The following SHISA9 variants were observed in gnomAD, a reference collection of about 807,000 sequenced individuals.
SHISA9 encodes the protein protein shisa-9.
SHISA9 carries 13 observed loss-of-function variants against 38.0 expected under a neutral mutation model. That is an observed-to-expected ratio of 0.34 (90% CI 0.22 to 0.54). The LOEUF is 0.54. Ranked by LOEUF, SHISA9 falls within the 20% of genes least tolerant of loss-of-function variation. SHISA9 has a pLI of 0.91. For synonymous variants in SHISA9, 275 were observed against 242.0 expected (o/e 1.14, Z -1.27); for missense variants, 538 against 575.8 (o/e 0.93, Z 0.67).
intron 2 of SHISA9, among the ~76,000 whole-genome samples, chr16:12,963,535 A>T (rs1343587762): frequency 6.6e-6 from 1 of 152,226 alleles, no homozygotes; most frequent in African/African-American, 2.4e-5. Flanking sequence ...AATAGTTGAC[A>T]TTCATCAAAT....
At chr16:12,939,596 G>A (rs2071582241) in intron 2 of SHISA9, among the ~76,000 whole-genome samples, 1 of 152,144 alleles carries the variant, frequency 6.6e-6, no homozygotes, top group Non-Finnish European at 1.5e-5. Context: ...ACTCACGGAG[G>A]TTGTCACTTG....
At chr16:13,328,633 C>T in the SHISA9 span, among the ~76,000 whole-genome samples, 7 of 95,638 alleles carry the variant, frequency 7.3e-5, no homozygotes, top group African/African-American at 2.4e-4. Flanking sequence ...CACACACACA[C>T]ACATATATAT....
the SHISA9 span, among the ~76,000 whole-genome samples, chr16:13,310,431 T>C: frequency 1.3e-5 from 2 of 152,172 alleles, no homozygotes; most frequent in East Asian, 1.9e-4. Flanking sequence ...TCTTTGTGTG[T>C]TCCTCCTCTG....
chr16:13,457,976 CCTTCCTTCCTTT>C, the SHISA9 span, among the ~76,000 whole-genome samples: 1 of 151,980 alleles, frequency 6.6e-6, no homozygotes, highest in African/African-American at 2.4e-5. Context: ...TTCCTCCCTT[CCTTCCTTCCTTT>C]CTTCCTTCCT....
chr16:13,469,305 A>T, the SHISA9 span, among the ~76,000 whole-genome samples: 3 of 53,924 alleles, frequency 5.6e-5, 1 homozygote, highest in South Asian at 2.2e-3. Flanking sequence ...AGAAAGACAG[A>T]GAGAGAGAGA....
chr16:13,524,806 A>G, the SHISA9 span, among the ~76,000 whole-genome samples: 1 of 151,872 alleles, frequency 6.6e-6, no homozygotes, highest in African/African-American at 2.4e-5. Flanking sequence ...GCCTCAAGCA[A>G]TTCTCCTACC....
the SHISA9 span, among the ~76,000 whole-genome samples, chr16:13,346,419 C>A: frequency 6.6e-6 from 1 of 152,006 alleles, no homozygotes; most frequent in Non-Finnish European, 1.5e-5. Flanking sequence ...GGTCGTCTCT[C>A]AATCAAGTGC....
chr16:13,431,368 A>G, the SHISA9 span, among the ~76,000 whole-genome samples: 1 of 152,220 alleles, frequency 6.6e-6, no homozygotes, highest in Non-Finnish European at 1.5e-5. Flanking sequence ...AGCAATTTCT[A>G]TTGAAGTTCA....
the SHISA9 span, among the ~76,000 whole-genome samples, chr16:13,294,477 T>C: frequency 6.6e-6 from 1 of 152,180 alleles, no homozygotes; most frequent in African/African-American, 2.4e-5. Flanking sequence ...AGACTCTTAG[T>C]GGAAACACAT....
chr16:12,941,167 C>T (rs1196693514), intron 2 of SHISA9, among the ~76,000 whole-genome samples: 5 of 152,070 alleles, frequency 3.3e-5, no homozygotes, highest in Admixed American at 6.6e-5. Flanking sequence ...GCCTGGCCAA[C>T]ATGGTGAAAT....
the SHISA9 span, among the ~76,000 whole-genome samples, chr16:13,503,736 A>C: frequency 6.6e-6 from 1 of 152,178 alleles, no homozygotes; most frequent in South Asian, 2.1e-4. Flanking sequence ...GATTCATCCT[A>C]AATGAAATGG....
chr16:13,485,951 T>C, the SHISA9 span, among the ~76,000 whole-genome samples: 1 of 152,362 alleles, frequency 6.6e-6, no homozygotes, highest in Non-Finnish European at 1.5e-5. Flanking sequence ...CCATTCATAT[T>C]GCTGCAAATG....
At chr16:13,221,607 T>C (rs752640563) in intron 4 of SHISA9, among the ~76,000 whole-genome samples, 2 of 152,182 alleles carry the variant, frequency 1.3e-5, no homozygotes, top group Non-Finnish European at 2.9e-5. Context: ...AAGAAGTATT[T>C]CTTTTTTAAA....
the SHISA9 span, among the ~76,000 whole-genome samples, chr16:13,506,465 A>G: frequency 6.6e-6 from 1 of 152,176 alleles, no homozygotes; most frequent in African/African-American, 2.4e-5. Flanking sequence ...AGGAGAGACA[A>G]GGAGTGTGAT....
At chr16:13,245,409 C>G (rs897930910), downstream of SHISA9, among the ~76,000 whole-genome samples, 1 of 152,174 alleles carries the variant, frequency 6.6e-6, no homozygotes, top group African/African-American at 2.4e-5. Flanking sequence ...TACCTATTCT[C>G]TTCATGCTTC....
the SHISA9 span, among the ~76,000 whole-genome samples, chr16:13,558,095 CT>C: frequency 6.6e-6 from 1 of 152,102 alleles, no homozygotes; most frequent in African/African-American, 2.4e-5. Context: ...TATAAACTTC[CT>C]TTTCTGCTTC....
At chr16:13,137,467 T>A (rs544668105) in intron 2 of SHISA9, among the ~76,000 whole-genome samples, 48 of 152,122 alleles carry the variant, frequency 3.2e-4, no homozygotes, top group East Asian at 1.9e-3. Flanking sequence ...TTTTATTTTT[T>A]TTTTTTTGAG....
chr16:13,185,318 C>T (rs999437239), intron 2 of SHISA9, among the ~76,000 whole-genome samples: 4 of 152,288 alleles, frequency 2.6e-5, no homozygotes, highest in African/African-American at 9.6e-5. Flanking sequence ...CTTCCTGCCT[C>T]AGTTTCCCAA....
At chr16:13,197,442 C>T (rs1361215855) in intron 2 of SHISA9, among the ~76,000 whole-genome samples, 1 of 152,160 alleles carries the variant, frequency 6.6e-6, no homozygotes, top group Admixed American at 6.6e-5. Flanking sequence ...CTCTGAGTTG[C>T]ATCCGTTTTA....
Sources: gnomAD v4.1 joint callset for allele counts (sites outside exome capture counted in the v4.1 genomes callset) on GRCh38, gnomAD v4.1.1 for gene constraint, MANE v1.5 for transcripts, NCBI Gene and HGNC (gene_info 2026-07-23, HGNC 2026-07-21) for gene names.